Variants in ARHGAP15 observed in about 807,000 individuals in gnomAD.
ARHGAP15 encodes Rho GTPase activating protein 15.
A neutral mutation model predicts 63.7 loss-of-function variants in ARHGAP15; 51 were observed. That is an observed-to-expected ratio of 0.80 (90% CI 0.64 to 1.01). The LOEUF (loss-of-function observed/expected upper bound fraction) is 1.01. ARHGAP15 is among the 50% of genes least tolerant of loss of function. ARHGAP15 has a pLI of 0.00. For synonymous variants in ARHGAP15, 191 were observed against 193.8 expected (o/e 0.99, Z 0.12); for missense variants, 560 against 564.6 (o/e 0.99, Z 0.08).
intron 6 of ARHGAP15, among the ~76,000 whole-genome samples, chr2:143,341,438 C>T (rs1013892601): frequency 3.9e-5 from 6 of 152,098 alleles, no homozygotes; most frequent in South Asian, 2.1e-4. Flanking sequence ...TCCTCTAGGA[C>T]GAATAACACC....
chr2:143,290,222 G>A (rs1159650273), intron 6 of ARHGAP15, among the ~76,000 whole-genome samples: 1 of 152,068 alleles, frequency 6.6e-6, no homozygotes, highest in African/African-American at 2.4e-5. Context: ...AAAGTGAGGT[G>A]GTTGGGGTTC....
rs1681596578 is a variant in ARHGAP15 at position 143,658,869 on chromosome 2, G to C, written c.1138+34602G>C. Among the ~76,000 whole-genome samples the C allele has an allele frequency of 1.3e-5, 2 of 152,184 alleles. 1 individual carries two copies. The highest frequency in any genetic ancestry group is 4.1e-4 in the South Asian group (2 of 4,826). On this transcript the variant is annotated intron_variant, in intron 12 of 13. Coordinates refer to ENST00000295095, the MANE Select transcript of ARHGAP15 (RefSeq NM_018460.4). ...TAATATAGCTAGGAAATTTCCATTT[G>C]AGTTAATCACAGCTTAATCTCGAAT... is the stretch of plus-strand genomic sequence containing the variant.
chr2:143,566,947 T>C (rs1053587911), intron 11 of ARHGAP15, among the ~76,000 whole-genome samples: 5 of 151,736 alleles, frequency 3.3e-5, no homozygotes, highest in South Asian at 2.1e-4. Flanking sequence ...ACGATCTCGG[T>C]TCACTGCAAG....
Position 143,768,323 on chromosome 2 carries a change from C to T in ARHGAP15, c.*151C>T. 3 of 748,172 alleles carry T rather than the reference C, an allele frequency of 4.0e-6. No homozygotes were observed. Among genetic ancestry groups the T allele is most frequent in the Non-Finnish European group, 6.4e-6 (3 of 467,566 alleles). 46.3% of individuals were successfully genotyped at this position (748,172 alleles called of 1,614,324 possible). ...TTAATGATGATTTTGTGTTTAAGTT[C>T]CAAACATTTGAATAAAATAATTGAC... On this transcript the variant is annotated 3_prime_UTR_variant, in exon 14 of 14. Coordinates refer to ENST00000295095, the MANE Select transcript of ARHGAP15 (RefSeq NM_018460.4).
chr2:143,279,743 G>A (rs1161027644), intron 6 of ARHGAP15, among the ~76,000 whole-genome samples: 1 of 152,020 alleles, frequency 6.6e-6, no homozygotes, highest in Non-Finnish European at 1.5e-5. Flanking sequence ...TTGCTTTATT[G>A]GACATTGAAC....
chr2:143,526,368 C>T (rs940817344), intron 10 of ARHGAP15, among the ~76,000 whole-genome samples: 1 of 151,452 alleles, frequency 6.6e-6, no homozygotes, highest in African/African-American at 2.4e-5. Flanking sequence ...TTCCCAGATA[C>T]AGCCTGAGTC....
chr2:143,385,863 T>C (rs2104953323), intron 6 of ARHGAP15, among the ~76,000 whole-genome samples: 1 of 152,284 alleles, frequency 6.6e-6, no homozygotes, highest in East Asian at 1.9e-4. Flanking sequence ...TCTGTATTAA[T>C]ATTAAGATAA....
At chr2:143,429,554 T>C (rs1393353983) in intron 6 of ARHGAP15, among the ~76,000 whole-genome samples, 1 of 152,142 alleles carries the variant, frequency 6.6e-6, no homozygotes, top group East Asian at 1.9e-4. Flanking sequence ...TATTTTGATA[T>C]GATGACACCA....
At chr2:143,601,219 G>A (rs750724832) in intron 11 of ARHGAP15, among the ~76,000 whole-genome samples, 7 of 152,026 alleles carry the variant, frequency 4.6e-5, no homozygotes, top group South Asian at 2.1e-4. Context: ...TTACAATGTG[G>A]TAGTCTCTAT....
At chr2:143,767,786 A>G (rs2072971167) in intron 13 of ARHGAP15, among the ~76,000 whole-genome samples, 1 of 152,178 alleles carries the variant, frequency 6.6e-6, no homozygotes, top group African/African-American at 2.4e-5. Flanking sequence ...TTATGGGGGT[A>G]AAAAGTTGGA....
intron 3 of ARHGAP15, among the ~76,000 whole-genome samples, chr2:143,205,336 T>C (rs918514464): frequency 6.6e-6 from 1 of 151,766 alleles, no homozygotes; most frequent in Non-Finnish European, 1.5e-5. Flanking sequence ...TACACTTCTG[T>C]TACCTTAATT....
intron 12 of ARHGAP15, among the ~76,000 whole-genome samples, chr2:143,632,464 A>G (rs368531589): frequency 6.6e-6 from 1 of 152,112 alleles, no homozygotes; most frequent in South Asian, 2.1e-4. Flanking sequence ...CTACAATCAC[A>G]CATGCCTTTG....
At chr2:143,378,182 A>C (rs530989011) in intron 6 of ARHGAP15, among the ~76,000 whole-genome samples, 112 of 152,182 alleles carry the variant, frequency 7.4e-4, no homozygotes, top group Non-Finnish European at 1.3e-3. Flanking sequence ...AATAGTGGCT[A>C]ATGTGATTAG....
intron 10 of ARHGAP15, among the ~76,000 whole-genome samples, chr2:143,548,907 G>C (rs6708523): frequency 6.6e-6 from 1 of 151,514 alleles, no homozygotes; most frequent in Admixed American, 6.6e-5. Flanking sequence ...AGAAATGGAA[G>C]AGAAAACTAA....
chr2:143,384,176 G>A (rs1386606596), intron 6 of ARHGAP15, among the ~76,000 whole-genome samples: 7 of 151,862 alleles, frequency 4.6e-5, no homozygotes, highest in African/African-American at 1.5e-4. Context: ...ACATTTAAAC[G>A]TATGCCTGTT....
intron 6 of ARHGAP15, among the ~76,000 whole-genome samples, chr2:143,420,244 AT>A (rs1267420172): frequency 1.3e-5 from 2 of 152,096 alleles, no homozygotes; most frequent in South Asian, 2.1e-4. Context: ...CAATTTACTC[AT>A]TTTTTTGAGC....
At chr2:143,210,194 G>A (rs894407232) in intron 3 of ARHGAP15, among the ~76,000 whole-genome samples, 1 of 152,090 alleles carries the variant, frequency 6.6e-6, no homozygotes, top group South Asian at 2.1e-4. Context: ...AAGCAATGGT[G>A]GGTGGAAGTT....
At chr2:143,396,890 T>G (rs992465330) in intron 6 of ARHGAP15, among the ~76,000 whole-genome samples, 2 of 152,090 alleles carry the variant, frequency 1.3e-5, no homozygotes, top group African/African-American at 2.4e-5. Flanking sequence ...TGAAGATTAT[T>G]TATATGAATT....
At chr2:143,702,935 G>A (rs1265371149) in intron 12 of ARHGAP15, among the ~76,000 whole-genome samples, 2 of 152,098 alleles carry the variant, frequency 1.3e-5, no homozygotes, top group African/African-American at 4.8e-5. Context: ...GATCATATCT[G>A]CAAAGTCCCT....
Sources: allele counts gnomAD v4.1 joint callset (sites outside exome capture counted in the v4.1 genomes callset), GRCh38; gene constraint gnomAD v4.1.1; transcripts MANE v1.5; gene names NCBI Gene and HGNC (gene_info 2026-07-23, HGNC 2026-07-21).